The following PHACTR4 variants were observed in gnomAD, a reference collection of about 807,000 sequenced individuals.
The protein encoded by PHACTR4 is phosphatase and actin regulator 4, also known as protein phosphatase 1, regulatory subunit 124.
In PHACTR4, 51 loss-of-function variants were observed where a neutral mutation model predicts 72.7. The observed-to-expected ratio is 0.70, with a 90% CI of 0.56 to 0.89. PHACTR4 has a LOEUF of 0.89. Among genes scored for constraint, PHACTR4 ranks in the 40% least tolerant of loss-of-function variants. The probability of loss-of-function intolerance (pLI) is 0.00; values close to 1 mark genes in which losing one functional copy is unlikely to be tolerated. For synonymous variants in PHACTR4, 255 were observed against 302.5 expected (o/e 0.84, Z 1.63); for missense variants, 731 against 861.8 (o/e 0.85, Z 1.90).
At chr1:28,454,345 C>A (rs917326461) in intron 2 of PHACTR4, among the ~76,000 whole-genome samples, 1 of 138,448 alleles carries the variant, frequency 7.2e-6, no homozygotes, top group African/African-American at 2.8e-5. Flanking sequence ...GGCGTGATCT[C>A]GGCTCTCTGC....
chr1:28,449,398 T>C (rs1657766132), intron 2 of PHACTR4, among the ~76,000 whole-genome samples: 1 of 152,190 alleles, frequency 6.6e-6, no homozygotes, highest in African/African-American at 2.4e-5. Flanking sequence ...AAATTAACAT[T>C]ATCTTTGACC....
chr1:28,455,782 A>G (rs1375966808), intron 2 of PHACTR4, among the ~76,000 whole-genome samples: 3 of 152,132 alleles, frequency 2.0e-5, no homozygotes, highest in African/African-American at 7.2e-5. Context: ...GGAGAGTAGG[A>G]AAAAGAGGGG....
intron 9 of PHACTR4, among the ~76,000 whole-genome samples, chr1:28,482,756 A>C (rs1660357947): frequency 1.3e-5 from 2 of 151,648 alleles, no homozygotes; most frequent in South Asian, 2.1e-4. Flanking sequence ...CCCGGGCAAC[A>C]AAGTGAGATC....
intron 2 of PHACTR4, among the ~76,000 whole-genome samples, chr1:28,411,331 GC>G (rs1362451289): frequency 2.0e-5 from 3 of 152,178 alleles, no homozygotes; most frequent in African/African-American, 7.2e-5. Context: ...ACAGGTGTGA[GC>G]CCGGCCTGAG....
chr1:28,396,307 G>A (rs975557149), intron 1 of PHACTR4, among the ~76,000 whole-genome samples: 5 of 151,706 alleles, frequency 3.3e-5, no homozygotes, highest in African/African-American at 7.3e-5. Flanking sequence ...CGAGGCAGGC[G>A]GATCATTTGA....
chr1:28,438,784 T>G (rs1656802024), intron 2 of PHACTR4, among the ~76,000 whole-genome samples: 1 of 152,174 alleles, frequency 6.6e-6, no homozygotes, highest in Non-Finnish European at 1.5e-5. Context: ...TCAGAGATAT[T>G]TTGTTAGTAT....
At chr1:28,418,820 G>T (rs1468400785) in intron 2 of PHACTR4, among the ~76,000 whole-genome samples, 1 of 149,148 alleles carries the variant, frequency 6.7e-6, no homozygotes, top group Non-Finnish European at 1.5e-5. Flanking sequence ...GCATGATGGT[G>T]TGCGCCTGTA....
At position 28,460,265 on chromosome 1, in the gene PHACTR4, G is replaced by A; in HGVS notation, c.244G>A (p.Gly82Arg). The A allele has an allele frequency of 6.2e-7, 1 of 1,613,816 alleles. No individual in the cohort carries two copies. The highest frequency in any genetic ancestry group is 8.5e-7 in the Non-Finnish European group (1 of 1,179,828). Residue 82 changes from glycine (G) to arginine (R), a missense_variant, in exon 4 of 14, where the codon GGG becomes AGG. By Grantham distance (125) the Gly-to-Arg change is moderately radical. Around this residue, in one of 2 missense-constraint regions of PHACTR4, gnomAD observed 621 missense variants for 676.6 expected, o/e 0.92. Transcript: ENST00000373839. Reference sequence around the variant, plus strand: ...GCCAAGAGAAGAGCTGGTTAAAAGAGGGGTTCTGTTGGAAGACCCTGAGCA... The same window carrying A: ...GCCAAGAGAAGAGCTGGTTAAAAGAAGGGTTCTGTTGGAAGACCCTGAGCA... The part of the protein sequence containing the change: ...RKPREELVKR[G>R]VLLEDPEQGG...
At chr1:28,446,799 G>T (rs1271668435) in intron 2 of PHACTR4, among the ~76,000 whole-genome samples, 1 of 151,578 alleles carries the variant, frequency 6.6e-6, no homozygotes, top group Non-Finnish European at 1.5e-5. Flanking sequence ...AAAAGTGTGT[G>T]GCACCTGCCC....
intron 8 of PHACTR4, among the ~76,000 whole-genome samples, chr1:28,477,293 G>A (rs915055521): frequency 1.3e-5 from 2 of 151,440 alleles, no homozygotes; most frequent in African/African-American, 4.9e-5. Context: ...TCACTGTGTT[G>A]GCCAGGCTGG....
At chr1:28,434,386 A>G (rs1023990073) in intron 2 of PHACTR4, among the ~76,000 whole-genome samples, 17 of 149,866 alleles carry the variant, frequency 1.1e-4, no homozygotes, top group East Asian at 3.9e-4. Context: ...CAGTAGCGCT[A>G]TCTTGGCTCA....
intron 3 of PHACTR4, 21 bp downstream of exon 3, chr1:28,459,279 T>TA (rs1658630626): frequency 6.3e-7 from 1 of 1,598,294 alleles, no homozygotes; most frequent in African/African-American, 1.3e-5. Flanking sequence ...AAGGGTTAAA[T>TA]GTGTGTTCTG....
Position 28,466,458 on chromosome 1 carries a change from C to G in PHACTR4, c.513C>G (p.Pro171=). The G allele has an allele frequency of 6.2e-7, 1 of 1,614,096 alleles. No individual in the cohort carries two copies. Among genetic ancestry groups the G allele is most frequent in the Non-Finnish European group, 8.5e-7 (1 of 1,180,024 alleles). Residue 171 remains proline (P), a synonymous_variant, in exon 6 of 14, where the codon CCC becomes CCG. Transcript: ENST00000373839. The stretch of plus-strand genomic sequence containing the variant: ...TACCCAAACCACCTTTACTTCCTCC[C>G]AAAAGACCCTTGTCCTCTTCTCATG... ...ENVPKPPLLP[P]KRPLSSSHEA...
chr1:28,436,744 T>C (rs1201740368), intron 2 of PHACTR4, among the ~76,000 whole-genome samples: 1 of 152,192 alleles, frequency 6.6e-6, no homozygotes, highest in Admixed American at 6.5e-5. Flanking sequence ...TCAAGCTGTA[T>C]CCTTAATATT....
rs61133686 is a variant in PHACTR4 at position 28,491,639 on chromosome 1, G to A, written c.1879-11G>A. 60,267 of 1,613,594 alleles carry A rather than the reference G, an allele frequency of 0.037. 3,452 individuals carry two copies. The highest frequency in any genetic ancestry group is 0.27 in the African/African-American group (20,155 of 74,878). On this transcript the variant is annotated splice_polypyrimidine_tract_variant and intron_variant, in intron 11 of 13. Coordinates refer to ENST00000373839, the MANE Select transcript of PHACTR4 (RefSeq NM_001048183.3). ...TTGGCTTGGTGAACTAAGAGGCTCCGTTTCCTTCAGCTCAGTCAAAGGCCA... is the reference window on the plus strand; with the variant it reads ...TTGGCTTGGTGAACTAAGAGGCTCCATTTCCTTCAGCTCAGTCAAAGGCCA...
At chr1:28,460,157 A>G in intron 3 of PHACTR4, 55 bp from the exon 4 acceptor site, 2 of 1,203,450 alleles carry the variant, frequency 1.7e-6, no homozygotes, top group Non-Finnish European at 2.5e-6. Context: ...TGCTAAGTGT[A>G]AGGTTGACTT....
At chr1:28,374,337 G>A (rs1166830975) in intron 1 of PHACTR4, among the ~76,000 whole-genome samples, 1 of 152,178 alleles carries the variant, frequency 6.6e-6, no homozygotes, top group African/African-American at 2.4e-5. Context: ...AGACCATCGG[G>A]ACTCAAGAGA....
At chr1:28,429,176 T>G (rs1246855452) in intron 2 of PHACTR4, among the ~76,000 whole-genome samples, 2 of 152,194 alleles carry the variant, frequency 1.3e-5, no homozygotes, top group Non-Finnish European at 2.9e-5. Flanking sequence ...TGCCTTAACT[T>G]TAACCTTCTG....
At chr1:28,464,044 CTTTTTTTT>C in intron 4 of PHACTR4, among the ~76,000 whole-genome samples, 1 of 131,340 alleles carries the variant, frequency 7.6e-6, no homozygotes, top group South Asian at 2.4e-4. Flanking sequence ...ATAACCATTT[CTTTTTTTT>C]TTTTTTTTTT....
Sources: allele counts gnomAD v4.1 joint callset (sites outside exome capture counted in the v4.1 genomes callset), GRCh38; gene constraint gnomAD v4.1.1; regional missense constraint gnomAD v4.1.1; transcripts MANE v1.5; gene names NCBI Gene and HGNC (gene_info 2026-07-23, HGNC 2026-07-21).